SLC24A3: variants seen among roughly 807,000 people sequenced by gnomAD.
SLC24A3 encodes the protein sodium/potassium/calcium exchanger 3.
SLC24A3 carries 28 observed loss-of-function variants against 75.8 expected under a neutral mutation model. The observed-to-expected ratio is 0.37, with a 90% CI of 0.27 to 0.51. The LOEUF (loss-of-function observed/expected upper bound fraction) is 0.51. Ranked by LOEUF, SLC24A3 falls within the 20% of genes least tolerant of loss-of-function variation. The probability of loss-of-function intolerance (pLI) is 0.94; values close to 1 mark genes in which losing one functional copy is unlikely to be tolerated. For synonymous variants in SLC24A3, 372 were observed against 334.1 expected (o/e 1.11, Z -1.24); for missense variants, 663 against 847.8 (o/e 0.78, Z 2.71).
At chr20:19,248,086 A>T (rs2122175223) in intron 1 of SLC24A3, among the ~76,000 whole-genome samples, 1 of 152,302 alleles carries the variant, frequency 6.6e-6, no homozygotes, top group South Asian at 2.1e-4. Context: ...TTTTCAGTCC[A>T]TTTTTGTTCC....
At chr20:19,662,527 A>G (rs1191255861) in intron 7 of SLC24A3, among the ~76,000 whole-genome samples, 1 of 152,240 alleles carries the variant, frequency 6.6e-6, no homozygotes. Context: ...ACTTCATTTC[A>G]ACTTCACTAC....
intron 3 of SLC24A3, among the ~76,000 whole-genome samples, chr20:19,547,494 C>T (rs4438550): frequency 0.88 from 133,486 of 152,274 alleles, 58,727 homozygotes; most frequent in Middle Eastern, 0.95. Context: ...CTCAAAATGA[C>T]AAGTGTACAC....
chr20:19,367,098 C>T (rs535422110), intron 2 of SLC24A3, among the ~76,000 whole-genome samples: 1 of 152,346 alleles, frequency 6.6e-6, no homozygotes, highest in East Asian at 1.9e-4. Context: ...GCTAGTGTGA[C>T]AGAAGAACTG....
intron 2 of SLC24A3, among the ~76,000 whole-genome samples, chr20:19,372,658 C>A (rs193155791): frequency 8.5e-5 from 13 of 152,240 alleles, no homozygotes; most frequent in Admixed American, 5.2e-4. Context: ...GAATCAAATC[C>A]TGCTGGAGTG....
intron 2 of SLC24A3, among the ~76,000 whole-genome samples, chr20:19,317,881 C>T (rs1440706779): frequency 6.6e-6 from 1 of 152,242 alleles, no homozygotes; most frequent in Non-Finnish European, 1.5e-5. Context: ...TTTCAGGAAG[C>T]AGACACCACT....
intron 2 of SLC24A3, among the ~76,000 whole-genome samples, chr20:19,324,021 A>G (rs985614855): frequency 1.3e-5 from 2 of 152,214 alleles, no homozygotes; most frequent in East Asian, 1.9e-4. Flanking sequence ...GATCACACAC[A>G]GGGAGCTCTC....
chr20:19,369,777 C>A (rs1985960035), intron 2 of SLC24A3, among the ~76,000 whole-genome samples: 1 of 152,200 alleles, frequency 6.6e-6, no homozygotes, highest in South Asian at 2.1e-4. Context: ...GGGCACAATA[C>A]CTGTATTGGG....
At chr20:19,232,766 C>A (rs1245430983) in intron 1 of SLC24A3, among the ~76,000 whole-genome samples, 2 of 152,214 alleles carry the variant, frequency 1.3e-5, no homozygotes, top group African/African-American at 4.8e-5. Flanking sequence ...TTGTCTAAAT[C>A]TATTTAGAGG....
At chr20:19,452,278 C>T (rs1987495972) in intron 2 of SLC24A3, among the ~76,000 whole-genome samples, 1 of 152,250 alleles carries the variant, frequency 6.6e-6, no homozygotes, top group East Asian at 1.9e-4. Flanking sequence ...ATCTAGCCGT[C>T]AGGCTCCGAG....
intron 3 of SLC24A3, among the ~76,000 whole-genome samples, chr20:19,553,830 A>G (rs562759069): frequency 6.6e-6 from 1 of 152,342 alleles, no homozygotes; most frequent in South Asian, 2.1e-4. Flanking sequence ...GAGTGCAAAA[A>G]AAGACGGAGC....
intron 1 of SLC24A3, among the ~76,000 whole-genome samples, chr20:19,249,179 G>C (rs1982578831): frequency 6.6e-6 from 1 of 152,068 alleles, no homozygotes; most frequent in Non-Finnish European, 1.5e-5. Context: ...CAGTTGAAAA[G>C]CCATTATAAT....
chr20:19,576,202 A>G (rs2031132137), intron 3 of SLC24A3, among the ~76,000 whole-genome samples: 1 of 152,146 alleles, frequency 6.6e-6, no homozygotes. Flanking sequence ...GATTATTATT[A>G]TTATTGTCAA....
At chr20:19,646,852 C>CT (rs1555804538) in intron 6 of SLC24A3, among the ~76,000 whole-genome samples, 2 of 150,874 alleles carry the variant, frequency 1.3e-5, no homozygotes, top group Admixed American at 6.6e-5. Flanking sequence ...TGTGTGTGTG[C>CT]GTGTGTGTGT....
At chr20:19,270,757 G>C (rs1210385381) in intron 1 of SLC24A3, among the ~76,000 whole-genome samples, 1 of 152,068 alleles carries the variant, frequency 6.6e-6, no homozygotes, top group Non-Finnish European at 1.5e-5. Flanking sequence ...ATGTATGTGA[G>C]TGTGGGAGAG....
chr20:19,310,957 T>A (rs1343457923), intron 2 of SLC24A3, among the ~76,000 whole-genome samples: 1 of 152,212 alleles, frequency 6.6e-6, no homozygotes. Context: ...AGCTTTTCAT[T>A]TCTTTTTTAT....
At chr20:19,664,805 G>A (rs577813309) in intron 7 of SLC24A3, among the ~76,000 whole-genome samples, 4 of 152,336 alleles carry the variant, frequency 2.6e-5, no homozygotes, top group Admixed American at 1.3e-4. Context: ...TATGAACCAT[G>A]TCCTCGGCTT....
At chr20:19,505,724 C>G (rs1988453270) in intron 2 of SLC24A3, among the ~76,000 whole-genome samples, 1 of 152,184 alleles carries the variant, frequency 6.6e-6, no homozygotes, top group Admixed American at 6.5e-5. Context: ...TTTCATCAGA[C>G]TTTGGTTGAC....
In SLC24A3 at chr20:19,629,078, A is replaced by G. The variant is rs182169080; in HGVS notation, c.613-24984A>G. Among the ~76,000 whole-genome samples the G allele has an allele frequency of 2.6e-5, 4 of 152,218 alleles. No homozygotes were observed. The East Asian group carries it at 7.7e-4, about 29-fold the overall frequency. On this transcript the variant is annotated intron_variant, in intron 6 of 16. Transcript: ENST00000328041. ...CAAAAGAAATAAAGATTTATGAATTACCTGAAAAAGAATTAAGAATAACCA... is the reference window on the plus strand; with the variant it reads ...CAAAAGAAATAAAGATTTATGAATTGCCTGAAAAAGAATTAAGAATAACCA...
rs552580137 is a variant in SLC24A3, at chr20:19,561,074, T to A, written c.349-18926T>A. 3.9e-5 allele frequency among the ~76,000 whole-genome samples: 6 copies of A among 152,314 alleles called. No homozygotes were observed. In the South Asian group the frequency reaches 8.3e-4, roughly 21 times the overall value. On this transcript the variant is annotated intron_variant, in intron 3 of 16. Coordinates refer to ENST00000328041, the MANE Select transcript of SLC24A3 (RefSeq NM_020689.4). ...GTAAGCCGTCTACATTCCGGGAGTATTTCCGCTGACCTTTCCTTGTTTGGA... is the reference window on the plus strand; with the variant it reads ...GTAAGCCGTCTACATTCCGGGAGTAATTCCGCTGACCTTTCCTTGTTTGGA...
Sources: allele counts gnomAD v4.1 joint callset (sites outside exome capture counted in the v4.1 genomes callset), GRCh38; gene constraint gnomAD v4.1.1; transcripts MANE v1.5; gene names NCBI Gene and HGNC (gene_info 2026-07-23, HGNC 2026-07-21).